The following GANC variants were observed in gnomAD, a reference collection of about 807,000 sequenced individuals.
GANC encodes the protein neutral alpha-glucosidase C.
Under a neutral mutation model 124.2 loss-of-function variants are expected in GANC, and 117 were observed. The ratio of observed to expected loss-of-function variants is 0.94; its 90% CI spans 0.81 to 1.10. The LOEUF is 1.10. Ranked by LOEUF, GANC falls within the 50% of genes least tolerant of loss-of-function variation. The pLI, the probability that GANC is intolerant of heterozygous loss-of-function variation, is 0.00. For missense variants in GANC, 1,140 were observed against 1,095.0 expected, an observed-to-expected ratio of 1.04 and a Z score of -0.58; for synonymous variants, 377 against 376.8, an observed-to-expected ratio of 1.00 and a Z score of -0.01.
rs1157346574 is a variant in GANC, at chr15:42,353,290, C to T, written c.*1151C>T. On this transcript the variant is annotated 3_prime_UTR_variant, in exon 24 of 24. Transcript: ENST00000318010. ...CTTCCTCCACTTAGCAACTTGCTAA[C>T]GGCCACCTCTGTGCCTTCTGATCCC... 1.7e-5 allele frequency: 17 copies of T among 986,034 alleles called. No homozygotes were observed. The highest frequency in any genetic ancestry group is 1.9e-5 in the Non-Finnish European group (16 of 830,132). 61.1% of individuals were successfully genotyped at this position (986,034 alleles called of 1,614,324 possible). A position where few individuals can be genotyped will look rare whatever the true frequency, so the allele number is the denominator to read the frequency against.
At chr15:42,348,248 C>A in intron 21 of GANC, 32 bp downstream of exon 21, 2 of 1,384,788 alleles carry the variant, frequency 1.4e-6, no homozygotes, top group Non-Finnish European at 2.0e-6. Flanking sequence ...CATTTTGTTT[C>A]TACTCTTTCT....
intron 18 of GANC, among the ~76,000 whole-genome samples, chr15:42,341,214 T>A (rs893593788): frequency 2.0e-5 from 3 of 152,108 alleles, no homozygotes; most frequent in Non-Finnish European, 4.4e-5. Context: ...TTCTAATGCA[T>A]TATTAGTAGG....
At chr15:42,298,767 G>A (rs973936365) in intron 6 of GANC, among the ~76,000 whole-genome samples, 1 of 152,114 alleles carries the variant, frequency 6.6e-6, no homozygotes, top group African/African-American at 2.4e-5. Context: ...CCTTGAAGAG[G>A]CCCTTCACAT....
rs554996606 is a variant in GANC at position 42,349,407 on chromosome 15, C to T, written c.2443C>T (p.Leu815Phe). 9 of 1,612,496 alleles carry T rather than the reference C, an allele frequency of 5.6e-6. No homozygotes were observed. Among genetic ancestry groups the T allele is most frequent in the African/African-American group, 4.0e-5 (3 of 75,018 alleles). Residue 815 changes from leucine to phenylalanine, a missense_variant, in exon 22 of 24, where the codon CTT (leucine) becomes TTT (phenylalanine). By Grantham distance (22) the Leu-to-Phe change is conservative. Transcript: ENST00000318010. Reference protein sequence around the residue: ...TKGSSVGELYLDDGHSFQYLH... With the variant: ...TKGSSVGELYFDDGHSFQYLH... ...GGGTTCTTCAGTGGGTGAGTTATAT[C>T]TTGATGATGGCCATTCATTCCAATA...
At chr15:42,336,874 G>T (rs8036380) in intron 15 of GANC, among the ~76,000 whole-genome samples, 1 of 151,970 alleles carries the variant, frequency 6.6e-6, no homozygotes, top group Non-Finnish European at 1.5e-5. Context: ...CAACAAGCAT[G>T]TGAAAAAAAG....
chr15:42,327,419 C>A lies in GANC; in HGVS notation c.1477C>A (p.Leu493Ile), dbSNP rs1226289464. The change falls in exon 13 of 24, where the codon CTT becomes ATT. Residue 493 changes from leucine to isoleucine, a missense_variant. Coordinates refer to ENST00000318010, the MANE Select transcript of GANC (RefSeq NM_198141.3). ...NPKVREWYSS[L>I]FAFPVYQGST... ...CAAGGTCAGAGAGTGGTATTCAAGT[C>A]TTTTTGCTTTCCCTGTTTATCAGGT... The A allele has an allele frequency of 6.2e-7, 1 of 1,613,362 alleles. No homozygotes were observed. The highest frequency in any genetic ancestry group is 2.2e-5 in the East Asian group (1 of 44,840).
intron 20 of GANC, among the ~76,000 whole-genome samples, chr15:42,347,766 A>G (rs1481102610): frequency 6.6e-6 from 1 of 152,224 alleles, no homozygotes; most frequent in Non-Finnish European, 1.5e-5. Context: ...CTGATAGGAA[A>G]ATTTAAAATA....
chr15:42,304,343 A>G (rs146211656), intron 6 of GANC, among the ~76,000 whole-genome samples: 2 of 152,354 alleles, frequency 1.3e-5, no homozygotes, highest in Admixed American at 1.3e-4. Flanking sequence ...AATCTCTGGG[A>G]CACAGCCAAA....
At chr15:42,325,001 C>T (rs547630584) in intron 11 of GANC, among the ~76,000 whole-genome samples, 90 of 152,106 alleles carry the variant, frequency 5.9e-4, no homozygotes, top group African/African-American at 2.1e-3. Flanking sequence ...CGGTGGCTCA[C>T]ACCTGTAATC....
chr15:42,302,900 G>C lies in GANC; in HGVS notation c.559-3646G>C, dbSNP rs1166279970. 1.3e-5 allele frequency among the ~76,000 whole-genome samples: 2 copies of C among 152,164 alleles called. 1 individual carries two copies. Among genetic ancestry groups the C allele is most frequent in the East Asian group, 3.9e-4 (2 of 5,190 alleles). On this transcript the variant is annotated intron_variant, in intron 6 of 23. Transcript: ENST00000318010. Reference sequence around the variant, plus strand: ...TTGATTGATACACCTGAAAATGACAGGGAGAATGGAACCAAGTTGGAAAAC... The same window carrying C: ...TTGATTGATACACCTGAAAATGACACGGAGAATGGAACCAAGTTGGAAAAC...
chr15:42,274,164 C>T lies in GANC; in HGVS notation c.-318C>T. On this transcript the variant is annotated 5_prime_UTR_variant, in exon 1 of 24. Coordinates refer to ENST00000318010, the MANE Select transcript of GANC (RefSeq NM_198141.3). ...TCTTAACGCTCTTGATTTTTACCCT[C>T]TAGGACTCATTGCGTACACGCCCTC... is the stretch of plus-strand genomic sequence containing the variant. The T allele has an allele frequency of 2.7e-6, 1 of 372,710 alleles. No homozygotes were observed. Among genetic ancestry groups the T allele is most frequent in the South Asian group, 2.5e-5 (1 of 39,914 alleles). 23.1% of individuals were successfully genotyped at this position (372,710 alleles called of 1,614,324 possible).
At chr15:42,329,482 G>A (rs2052224834) in intron 14 of GANC, 33 bp downstream of exon 14, 5 of 1,581,904 alleles carry the variant, frequency 3.2e-6, no homozygotes, top group Middle Eastern at 1.7e-4. Context: ...AACTGGGCTT[G>A]TGTGACCCAC....
At chr15:42,351,462 A>G (rs769691208) in intron 23 of GANC, 30 bp downstream of exon 23, 1 of 1,477,596 alleles carries the variant, frequency 6.8e-7, no homozygotes, top group Admixed American at 1.7e-5. Flanking sequence ...TTACCTCACC[A>G]TTTGTTTTTA....
Position 42,273,501 on chromosome 15 carries a change from A to G in GANC, c.-981A>G. 1 of 1,532,866 alleles carries G rather than the reference A, an allele frequency of 6.5e-7. No homozygotes were observed. The highest frequency in any genetic ancestry group is 8.8e-7 in the Non-Finnish European group (1 of 1,142,382). The allele number at this position is 1,532,866 out of a possible 1,614,324, so 95.0% of individuals were successfully genotyped here. A position where few individuals can be genotyped will look rare whatever the true frequency, so the allele number is the denominator to read the frequency against. On this transcript the variant is annotated 5_prime_UTR_variant, in exon 1 of 24. Coordinates refer to ENST00000318010, the MANE Select transcript of GANC (RefSeq NM_198141.3). ...AGGGCGGGATTATCCGGGTCCTGGA[A>G]ACGTCGCGGAGCTTGTTTGCTGTGC... is the stretch of plus-strand genomic sequence containing the variant.
At chr15:42,291,233 G>A (rs1315083719) in intron 4 of GANC, among the ~76,000 whole-genome samples, 2 of 152,146 alleles carry the variant, frequency 1.3e-5, no homozygotes, top group Non-Finnish European at 2.9e-5. Context: ...CTTAATTGTA[G>A]ATCAGGCTAA....
At chr15:42,351,532 T>C (rs1369408704) in intron 23 of GANC, 100 bp downstream of exon 23, 2 of 815,146 alleles carry the variant, frequency 2.5e-6, no homozygotes, top group Non-Finnish European at 4.1e-6. Context: ...ATGCTGAGCC[T>C]GAGTGTGTGC....
At position 42,338,424 on chromosome 15, in the gene GANC, A is replaced by G; in HGVS notation, c.1777A>G (p.Ser593Gly). The change falls in exon 16 of 24, where the codon AGC (serine) becomes GGC (glycine). Residue 593 changes from serine to glycine, a missense_variant. Transcript: ENST00000318010. ...GACAGGCGACAACACAGCAGAATGG[A>G]GCAACTTGAAAATTTCTATCCCAAT... Reference protein sequence around the residue: ...VWTGDNTAEWSNLKISIPMLL... With the variant: ...VWTGDNTAEWGNLKISIPMLL... 1 of 1,614,082 alleles carries G rather than the reference A, an allele frequency of 6.2e-7. No homozygotes were observed. Among genetic ancestry groups the G allele is most frequent in the Non-Finnish European group, 8.5e-7 (1 of 1,179,950 alleles).
At chr15:42,295,536 C>T (rs7170592) in intron 5 of GANC, among the ~76,000 whole-genome samples, 138,237 of 151,896 alleles carry the variant, frequency 0.91, 64,242 homozygotes, top group Non-Finnish European at 1. Context: ...GTGACATAAA[C>T]TGAAGAGCCA....
intron 13 of GANC, among the ~76,000 whole-genome samples, chr15:42,328,633 A>G (rs1383462686): frequency 6.6e-6 from 1 of 152,168 alleles, no homozygotes; most frequent in Non-Finnish European, 1.5e-5. Flanking sequence ...TGTTATATAC[A>G]AGGAGCAGGA....
Sources: allele counts gnomAD v4.1 joint callset (sites outside exome capture counted in the v4.1 genomes callset), GRCh38; gene constraint gnomAD v4.1.1; transcripts MANE v1.5; gene names NCBI Gene and HGNC (gene_info 2026-07-23, HGNC 2026-07-21).